Variants in MIPOL1 observed in about 807,000 individuals in gnomAD.
MIPOL1 encodes the protein mirror-image polydactyly gene 1 protein.
In MIPOL1, 57 loss-of-function variants were observed where a neutral mutation model predicts 60.9. The observed-to-expected ratio is 0.94, with a 90% confidence interval of 0.76 to 1.17. MIPOL1 has a LOEUF of 1.17. MIPOL1 is among the 50% of genes most tolerant of loss of function. The probability of loss-of-function intolerance (pLI) is 0.00; values close to 1 mark genes in which losing one functional copy is unlikely to be tolerated. For synonymous variants in MIPOL1, 179 were observed against 168.8 expected (o/e 1.06, Z -0.47); for missense variants, 551 against 511.6 (o/e 1.08, Z -0.74).
chr14:37,449,944 C>G (rs1389651547), intron 11 of MIPOL1, among the ~76,000 whole-genome samples: 1 of 152,038 alleles, frequency 6.6e-6, no homozygotes, highest in Non-Finnish European at 1.5e-5. Flanking sequence ...TTTCGAGTAG[C>G]TGAGACTACA....
intron 7 of MIPOL1, among the ~76,000 whole-genome samples, chr14:37,296,843 C>G (rs1375561718): frequency 6.6e-6 from 1 of 152,038 alleles, no homozygotes; most frequent in African/African-American, 2.4e-5. Flanking sequence ...AGTCCAGGAC[C>G]AGATGGATTC....
intron 10 of MIPOL1, among the ~76,000 whole-genome samples, chr14:37,409,373 A>T (rs1303419167): frequency 6.6e-6 from 1 of 152,182 alleles, no homozygotes; most frequent in Non-Finnish European, 1.5e-5. Flanking sequence ...GGTGCTTTCT[A>T]GGAAACATTA....
At chr14:37,374,182 T>C (rs921347205) in intron 10 of MIPOL1, among the ~76,000 whole-genome samples, 4 of 152,212 alleles carry the variant, frequency 2.6e-5, no homozygotes, top group Admixed American at 2.6e-4. Context: ...AAATGTCTTC[T>C]TTTGAGAAGT....
At chr14:37,364,628 C>G (rs1442597402) in intron 9 of MIPOL1, among the ~76,000 whole-genome samples, 1 of 152,120 alleles carries the variant, frequency 6.6e-6, no homozygotes, top group Admixed American at 6.5e-5. Flanking sequence ...TACTCTGTCT[C>G]TGTAGTATAA....
intron 9 of MIPOL1, among the ~76,000 whole-genome samples, chr14:37,338,517 T>A (rs1428166779): frequency 6.6e-6 from 1 of 151,826 alleles, no homozygotes; most frequent in Non-Finnish European, 1.5e-5. Context: ...CAAGTGATTT[T>A]CCTGCCTCAG....
intron 9 of MIPOL1, among the ~76,000 whole-genome samples, chr14:37,345,495 T>C (rs1006710564): frequency 5.9e-5 from 9 of 152,208 alleles, no homozygotes; most frequent in Non-Finnish European, 1.3e-4. Context: ...GATACTGAAA[T>C]TGTATTTTCT....
At chr14:37,397,019 G>A (rs1399591825) in intron 10 of MIPOL1, 1 of 152,130 alleles carries the variant, frequency 6.6e-6, no homozygotes, top group Admixed American at 6.6e-5. Flanking sequence ...TTGCTGGTGA[G>A]TTAGTATGAT....
rs530791717 is a variant in MIPOL1, at chr14:37,349,028, G to T, written c.829-20489G>T. 3.8e-5 allele frequency among the ~76,000 whole-genome samples: 4 copies of T among 105,602 alleles called. No individual in the cohort carries two copies. In the Admixed American group the frequency reaches 6.0e-4, roughly 16 times the overall value. The allele number at this position is 105,602 out of a possible 152,430, so 69.3% of individuals were successfully genotyped here. On this transcript the variant is annotated intron_variant, in intron 9 of 12. Coordinates refer to ENST00000684589, the MANE Select transcript of MIPOL1 (RefSeq NM_001388067.1). ...TTTTGAGATGGAGTTTCGCTCTGTT[G>T]CCTAGGCTGGAGTGCAATGGCAGAA...
At chr14:37,356,765 C>G (rs1595365599) in intron 9 of MIPOL1, among the ~76,000 whole-genome samples, 3 of 152,216 alleles carry the variant, frequency 2.0e-5, no homozygotes, top group African/African-American at 7.2e-5. Context: ...CCTGCTTCGG[C>G]TCACGCACGG....
intron 3 of MIPOL1, among the ~76,000 whole-genome samples, chr14:37,260,513 G>A (rs1341511304): frequency 6.6e-6 from 1 of 152,088 alleles, no homozygotes; most frequent in Non-Finnish European, 1.5e-5. Context: ...CATTATAGAA[G>A]AATAATTACA....
intron 6 of MIPOL1, among the ~76,000 whole-genome samples, chr14:37,273,976 G>A (rs978557760): frequency 6.6e-6 from 1 of 151,314 alleles, no homozygotes; most frequent in African/African-American, 2.4e-5. Context: ...GTTATGAAAA[G>A]ACATTTTATT....
chr14:37,353,443 C>G (rs1481325253), intron 9 of MIPOL1, among the ~76,000 whole-genome samples: 4 of 151,384 alleles, frequency 2.6e-5, no homozygotes, highest in Non-Finnish European at 4.4e-5. Flanking sequence ...GGAGGATTCC[C>G]TCTTTTTCTA....
chr14:37,355,140 G>T (rs1306096797), intron 9 of MIPOL1, among the ~76,000 whole-genome samples: 1 of 149,758 alleles, frequency 6.7e-6, no homozygotes, highest in Non-Finnish European at 1.5e-5. Context: ...TGTCTGTAAA[G>T]TATTTTATTT....
intron 6 of MIPOL1, among the ~76,000 whole-genome samples, chr14:37,279,983 C>T (rs901311943): frequency 2.0e-5 from 3 of 152,120 alleles, no homozygotes; most frequent in African/African-American, 7.2e-5. Context: ...TTGTTCTACT[C>T]TTTACTTATG....
intron 10 of MIPOL1, 96 bp from the exon 11 acceptor site, chr14:37,422,759 A>C: frequency 1.4e-6 from 1 of 731,950 alleles, no homozygotes; most frequent in Non-Finnish European, 2.2e-6. Flanking sequence ...TTTTTTTTTA[A>C]CTGTCAGTAA....
chr14:37,547,006 A>T lies in MIPOL1; in HGVS notation c.*35A>T. ...AACGACAGTCTGGGGAAGCGATCAC[A>T]TCTGGTGACCAGGCTGCTTCATTCA... On this transcript the variant is annotated 3_prime_UTR_variant, in exon 13 of 13. Coordinates refer to ENST00000684589, the MANE Select transcript of MIPOL1 (RefSeq NM_001388067.1). The T allele has an allele frequency of 6.3e-7, 1 of 1,585,950 alleles. No homozygotes were observed. Among genetic ancestry groups the T allele is most frequent in the Non-Finnish European group, 8.7e-7 (1 of 1,154,962 alleles).
chr14:37,252,482 A>G (rs1165941934), intron 3 of MIPOL1, among the ~76,000 whole-genome samples: 1 of 151,924 alleles, frequency 6.6e-6, no homozygotes. Flanking sequence ...ATTTGTATCC[A>G]TGATTCTTAC....
intron 9 of MIPOL1, among the ~76,000 whole-genome samples, chr14:37,309,461 A>G (rs762742538): frequency 6.6e-6 from 1 of 152,078 alleles, no homozygotes; most frequent in African/African-American, 2.4e-5. Context: ...TCCTGTCATA[A>G]TTCTTGGTGA....
chr14:37,437,988 T>G (rs2094188917), intron 11 of MIPOL1, among the ~76,000 whole-genome samples: 1 of 152,192 alleles, frequency 6.6e-6, no homozygotes, highest in South Asian at 2.1e-4. Context: ...CATTTGATTT[T>G]TCTTTAGGAA....
Sources: gnomAD v4.1 joint callset for allele counts (sites outside exome capture counted in the v4.1 genomes callset) on GRCh38, gnomAD v4.1.1 for gene constraint, MANE v1.5 for transcripts, NCBI Gene and HGNC (gene_info 2026-07-23, HGNC 2026-07-21) for gene names.